Variants in ATP9B observed in about 807,000 individuals in gnomAD.
ATP9B encodes ATPase phospholipid transporting 9B, also known as probable phospholipid-transporting ATPase IIB.
ATP9B carries 110 observed loss-of-function variants against 146.1 expected under a neutral mutation model. That is an observed-to-expected ratio of 0.75 (90% CI 0.65 to 0.88). The LOEUF (loss-of-function observed/expected upper bound fraction) is 0.88, where lower values mean the gene tolerates loss of function less well. ATP9B is among the 40% of genes least tolerant of loss of function. ATP9B has a pLI of 0.00. For synonymous variants in ATP9B, 604 were observed against 569.7 expected (o/e 1.06, Z -0.86); for missense variants, 1,499 against 1,496.4 (o/e 1.00, Z -0.03).
At chr18:79,092,600 A>G (rs1258443695) in intron 1 of ATP9B, among the ~76,000 whole-genome samples, 2 of 140,526 alleles carry the variant, frequency 1.4e-5, no homozygotes, top group East Asian at 2.1e-4. Context: ...CTAATTCTAT[A>G]TGCTTTTTTC....
chr18:79,328,280 G>T (rs895001242), intron 15 of ATP9B, among the ~76,000 whole-genome samples: 3 of 152,196 alleles, frequency 2.0e-5, no homozygotes, highest in Non-Finnish European at 2.9e-5. Flanking sequence ...TTAATGTCTG[G>T]TAGGGAGGTT....
At chr18:79,376,332 CCA>C (rs2097103249) in intron 29 of ATP9B, 1 of 985,304 alleles carries the variant, frequency 1.0e-6, no homozygotes, top group African/African-American at 1.7e-5. Flanking sequence ...ACAAATTCTG[CCA>C]CAGAGTGTTG....
At chr18:79,261,066 A>G (rs1183039406) in intron 12 of ATP9B, among the ~76,000 whole-genome samples, 4 of 152,158 alleles carry the variant, frequency 2.6e-5, no homozygotes, top group Admixed American at 2.6e-4. Flanking sequence ...CCCGTGCCAA[A>G]TTTAGATGGT....
At chr18:79,122,051 T>C (rs1316586653) in intron 4 of ATP9B, among the ~76,000 whole-genome samples, 1 of 152,192 alleles carries the variant, frequency 6.6e-6, no homozygotes, top group Non-Finnish European at 1.5e-5. Context: ...TTAACATATG[T>C]GTCTGAGGTC....
chr18:79,171,109 A>G (rs1001458770), intron 7 of ATP9B, among the ~76,000 whole-genome samples: 2 of 152,232 alleles, frequency 1.3e-5, no homozygotes, highest in African/African-American at 2.4e-5. Context: ...TTTTTTACTT[A>G]AAAACAGAAT....
At position 79,110,408 on chromosome 18, in the gene ATP9B, G is replaced by A. The variant is rs763076944; in HGVS notation, c.347G>A (p.Arg116His). 8.1e-6 allele frequency: 13 copies of A among 1,610,150 alleles called. No individual in the cohort carries two copies. Among genetic ancestry groups the A allele is most frequent in the Admixed American group, 1.7e-5 (1 of 59,574 alleles). ...CGAAGAAAGAAAGAGCTGAAAGCTC[G>A]CACAGTATGGCTTGGATGTCCTGAA... is the stretch of plus-strand genomic sequence containing the variant. ...ICRRKKELKA[R>H]TVWLGCPEKC... The change falls in exon 3 of 30, where the codon CGC becomes CAC. Residue 116 changes from arginine (R) to histidine (H), a missense_variant. Coordinates refer to ENST00000426216, the MANE Select transcript of ATP9B (RefSeq NM_198531.5).
chr18:79,080,931 G>T (rs1294087993), intron 1 of ATP9B, among the ~76,000 whole-genome samples: 1 of 152,166 alleles, frequency 6.6e-6, no homozygotes, highest in African/African-American at 2.4e-5. Flanking sequence ...TTATTGATTT[G>T]CATATGTTGA....
intron 2 of ATP9B, among the ~76,000 whole-genome samples, chr18:79,102,686 T>C (rs566093508): frequency 1.3e-5 from 2 of 152,236 alleles, no homozygotes; most frequent in Non-Finnish European, 2.9e-5. Flanking sequence ...AGGATTTTGA[T>C]AGGACTTGTG....
intron 26 of ATP9B, chr18:79,360,682 A>G (rs1042965388): frequency 6.6e-6 from 1 of 152,218 alleles, no homozygotes; most frequent in Non-Finnish European, 1.5e-5. Context: ...AAGACTTTAA[A>G]GTTTCTTGAA....
intron 17 of ATP9B, among the ~76,000 whole-genome samples, chr18:79,331,891 A>G (rs2096791977): frequency 6.6e-6 from 1 of 152,164 alleles, no homozygotes; most frequent in South Asian, 2.1e-4. Flanking sequence ...GGCCCTGGAC[A>G]TTGTATTGTA....
At chr18:79,259,954 A>G (rs926983294) in intron 12 of ATP9B, among the ~76,000 whole-genome samples, 10 of 152,178 alleles carry the variant, frequency 6.6e-5, no homozygotes, top group African/African-American at 9.7e-5. Context: ...ATATTCAGGT[A>G]TTGATGATTT....
At chr18:79,106,696 G>A (rs1393273721) in intron 2 of ATP9B, among the ~76,000 whole-genome samples, 1 of 152,184 alleles carries the variant, frequency 6.6e-6, no homozygotes, top group Non-Finnish European at 1.5e-5. Context: ...AGGCATCTTA[G>A]ATTTACTGGT....
chr18:79,092,987 G>A (rs1374530414), intron 1 of ATP9B, among the ~76,000 whole-genome samples: 1 of 152,054 alleles, frequency 6.6e-6, no homozygotes, highest in Non-Finnish European at 1.5e-5. Context: ...GTATATGCTC[G>A]ACTTTTATAT....
intron 14 of ATP9B, 76 bp downstream of exon 14, chr18:79,303,792 TC>T: frequency 9.9e-7 from 1 of 1,015,150 alleles, no homozygotes; most frequent in Non-Finnish European, 1.5e-6. Context: ...CCTCGTGTGT[TC>T]CCATCTGTAA....
intron 11 of ATP9B, among the ~76,000 whole-genome samples, chr18:79,238,972 A>T (rs1305591043): frequency 1.3e-5 from 2 of 152,222 alleles, no homozygotes; most frequent in African/African-American, 2.4e-5. Flanking sequence ...TCACGTCAGT[A>T]AGAACGAGAA....
intron 12 of ATP9B, among the ~76,000 whole-genome samples, chr18:79,259,805 G>A (rs950986268): frequency 2.6e-5 from 4 of 152,200 alleles, no homozygotes; most frequent in African/African-American, 4.8e-5. Flanking sequence ...GCTTTATCAG[G>A]TTACTTTTCG....
chr18:79,138,424 C>A (rs2094472697), intron 5 of ATP9B, among the ~76,000 whole-genome samples: 1 of 152,120 alleles, frequency 6.6e-6, no homozygotes, highest in Non-Finnish European at 1.5e-5. Context: ...TTTGTTCACT[C>A]AGCCACTTCA....
intron 13 of ATP9B, among the ~76,000 whole-genome samples, chr18:79,300,751 A>G (rs1258259245): frequency 6.6e-6 from 1 of 152,242 alleles, no homozygotes; most frequent in Non-Finnish European, 1.5e-5. Flanking sequence ...GGTTCTTTGC[A>G]TACTTGCACA....
intron 17 of ATP9B, chr18:79,333,146 T>A (rs894845392): frequency 6.6e-6 from 1 of 152,412 alleles, no homozygotes; most frequent in Non-Finnish European, 1.5e-5. Flanking sequence ...TCTCTGCGCG[T>A]GCCTGGGGGG....
Sources: allele counts gnomAD v4.1 joint callset (sites outside exome capture counted in the v4.1 genomes callset), GRCh38; gene constraint gnomAD v4.1.1; transcripts MANE v1.5; gene names NCBI Gene and HGNC (gene_info 2026-07-23, HGNC 2026-07-21).